The following TMBIM1 variants were observed in gnomAD, a reference collection of about 807,000 sequenced individuals.
TMBIM1 encodes the protein protein lifeguard 3.
TMBIM1 carries 34 observed loss-of-function variants against 45.1 expected under a neutral mutation model. That is an observed-to-expected ratio of 0.75 (90% CI 0.57 to 1.00). TMBIM1 has a LOEUF of 1.00. Among genes scored for constraint, TMBIM1 ranks in the 50% least tolerant of loss-of-function variants. TMBIM1 has a pLI of 0.00. For missense variants in TMBIM1, 374 were observed against 402.4 expected, an observed-to-expected ratio of 0.93 and a Z score of 0.60; for synonymous variants, 157 against 153.5, an observed-to-expected ratio of 1.02 and a Z score of -0.17.
intron 1 of TMBIM1, among the ~76,000 whole-genome samples, chr2:218,287,721 A>C (rs1002002227): frequency 1.3e-5 from 2 of 151,696 alleles, no homozygotes; most frequent in African/African-American, 4.8e-5. Context: ...AAAAAAAAAG[A>C]CAGCCAGCCC....
chr2:218,286,187 C>A (rs1297305646), intron 1 of TMBIM1, among the ~76,000 whole-genome samples: 1 of 152,070 alleles, frequency 6.6e-6, no homozygotes, highest in African/African-American at 2.4e-5. Context: ...TAGGCATTCA[C>A]CTTCTGCTTG....
At position 218,276,676 on chromosome 2, in the gene TMBIM1, C is replaced by T. The variant is rs530466215; in HGVS notation, c.735+328G>A. Among the ~76,000 whole-genome samples, 14 of 152,370 alleles carry T rather than the reference C, an allele frequency of 9.2e-5. No individual in the cohort carries two copies. The South Asian group carries it at 2.7e-3, about 29-fold the overall frequency. ...GGTCCCTTCCACCTAGGCCCATCAT[C>T]TCAGTCCTCTGGGTTCCTCTCCCAG... On this transcript the variant is annotated intron_variant, in intron 10 of 11. Transcript: ENST00000258412.
At chr2:218,283,515 C>T (rs1382928431) in intron 1 of TMBIM1, among the ~76,000 whole-genome samples, 1 of 152,158 alleles carries the variant, frequency 6.6e-6, no homozygotes, top group Non-Finnish European at 1.5e-5. Flanking sequence ...GCAGTCTGGG[C>T]TCGACAGGGC....
At chr2:218,278,296 A>C (rs1233270122) in intron 6 of TMBIM1, 1 of 614,420 alleles carries the variant, frequency 1.6e-6, no homozygotes, top group Admixed American at 3.0e-5. Context: ...CTAAAATGCT[A>C]CCTGTCTTGC....
rs1574636841 is a variant in TMBIM1, at chr2:218,279,608, A to G, written c.304-255T>C. ...TACTGACTTGCCCTGCCTGGCCACC[A>G]TACTCTACCAGTATGGCCTCTGCAC... On this transcript the variant is annotated intron_variant, in intron 3 of 11. Coordinates refer to ENST00000258412, the MANE Select transcript of TMBIM1 (RefSeq NM_022152.6). The G allele has an allele frequency of 1.2e-5, 6 of 502,000 alleles. No individual in the cohort carries two copies. In the East Asian group the frequency reaches 1.7e-4, roughly 14 times the overall value. The allele number at this position is 502,000 out of a possible 1,614,324, so 31.1% of individuals were successfully genotyped here.
At chr2:218,282,901 TG>T (rs1487357487) in intron 1 of TMBIM1, among the ~76,000 whole-genome samples, 1 of 152,124 alleles carries the variant, frequency 6.6e-6, no homozygotes, top group East Asian at 1.9e-4. Flanking sequence ...ATAACAGCGG[TG>T]GCGTGTCAGA....
At position 218,281,964 on chromosome 2, in the gene TMBIM1, T is replaced by A. The variant is rs1301187777; in HGVS notation, c.178A>T (p.Thr60Ser). Reference protein sequence around the residue: ...PAGYPQPMPPTHPMPMNYGPG... With the variant: ...PAGYPQPMPPSHPMPMNYGPG... ...CCGTAGTTCATGGGCATCGGGTGGGTGGGGGGCATGGGCTGTGGGTAGCCA... is the reference window on the plus strand; with the variant it reads ...CCGTAGTTCATGGGCATCGGGTGGGAGGGGGGCATGGGCTGTGGGTAGCCA... Residue 60 changes from threonine to serine, a missense_variant, in exon 2 of 12, where the codon ACC becomes TCC. By Grantham distance (58) the Thr-to-Ser change is moderately conservative. Transcript: ENST00000258412. The A allele has an allele frequency of 6.2e-7, 1 of 1,600,544 alleles. No individual in the cohort carries two copies. The highest frequency in any genetic ancestry group is 1.1e-5 in the South Asian group (1 of 88,144).
chr2:218,276,065 G>A lies in TMBIM1; in HGVS notation c.750C>T (p.His250=). 1 of 1,613,158 alleles carries A rather than the reference G, an allele frequency of 6.2e-7. No individual in the cohort carries two copies. Among genetic ancestry groups the A allele is most frequent in the Non-Finnish European group, 8.5e-7 (1 of 1,179,654 alleles). Residue 250 remains histidine, a synonymous_variant, in exon 11 of 12, where the codon CAC becomes CAT. Coordinates refer to ENST00000258412, the MANE Select transcript of TMBIM1 (RefSeq NM_022152.6). ...VLYFQYVYWL[H]MLYAALGAIC... Reference sequence around the variant, plus strand: ...TGGCCCCCAGAGCAGCATAGAGCATGTGGAGCCAGTAAACCTGGAGAAGAA... The same window carrying A: ...TGGCCCCCAGAGCAGCATAGAGCATATGGAGCCAGTAAACCTGGAGAAGAA...
chr2:218,280,230 G>T, intron 2 of TMBIM1, 104 bp from the exon 3 acceptor site: 1 of 848,386 alleles, frequency 1.2e-6, no homozygotes, highest in Non-Finnish European at 2.0e-6. Context: ...CCAGCCAAAA[G>T]ACAAGTGTTA....
At chr2:218,283,328 G>A (rs1398053561) in intron 1 of TMBIM1, among the ~76,000 whole-genome samples, 1 of 152,226 alleles carries the variant, frequency 6.6e-6, no homozygotes. Context: ...AACCAGGACG[G>A]AGGCCTTCCA....
intron 1 of TMBIM1, among the ~76,000 whole-genome samples, chr2:218,288,360 C>T (rs1377108883): frequency 2.6e-5 from 4 of 152,116 alleles, no homozygotes; most frequent in East Asian, 1.9e-4. Context: ...ACCCGGGAGG[C>T]GGAGCTTGCA....
chr2:218,292,239 C>G (rs1006908897), intron 1 of TMBIM1, among the ~76,000 whole-genome samples: 1 of 152,240 alleles, frequency 6.6e-6, no homozygotes, highest in Non-Finnish European at 1.5e-5. Context: ...CCAAGGCTAA[C>G]CAGGTGCCAC....
At position 218,281,984 on chromosome 2, in the gene TMBIM1, T is replaced by TAGCC. The variant is rs1397468676; in HGVS notation, c.154_157dup (p.Tyr53TrpfsTer23). 1.2e-6 allele frequency: 2 copies of TAGCC among 1,606,308 alleles called. No homozygotes were observed. Among genetic ancestry groups the TAGCC allele is most frequent in the Non-Finnish European group, 1.7e-6 (2 of 1,177,506 alleles). On this transcript the variant is annotated frameshift_variant, in exon 2 of 12. Coordinates refer to ENST00000258412, the MANE Select transcript of TMBIM1 (RefSeq NM_022152.6). LOFTEE classifies it high-confidence loss of function. Reference sequence around the variant, plus strand: ...GTGGGTGGGGGGCATGGGCTGTGGGTAGCCAGCAGGGTGACCGTAGCCAGG... The same window carrying TAGCC: ...GTGGGTGGGGGGCATGGGCTGTGGGTAGCCAGCCAGCAGGGTGACCGTAGCCAGG...
At chr2:218,278,365 C>T in intron 6 of TMBIM1, 150 bp downstream of exon 6, 1 of 798,414 alleles carries the variant, frequency 1.3e-6, no homozygotes, top group Non-Finnish European at 2.1e-6. Context: ...CCTTTGTATA[C>T]ACCTGAACAG....
intron 1 of TMBIM1, chr2:218,290,044 G>A (rs192397187): frequency 1.3e-5 from 2 of 152,158 alleles, no homozygotes; most frequent in Non-Finnish European, 2.9e-5. Flanking sequence ...CAGCCCACGT[G>A]GGGGAAAGGA....
chr2:218,275,408 T>C lies in TMBIM1; in HGVS notation c.*67A>G. The C allele has an allele frequency of 6.4e-7, 1 of 1,551,742 alleles. No individual in the cohort carries two copies. Among genetic ancestry groups the C allele is most frequent in the Admixed American group, 1.9e-5 (1 of 51,516 alleles). On this transcript the variant is annotated 3_prime_UTR_variant, in exon 12 of 12. Coordinates refer to ENST00000258412, the MANE Select transcript of TMBIM1 (RefSeq NM_022152.6). ...AAGGGGCCTAAAGCCCAGACCACAG[T>C]CATAGGGCCCAGCCCTCTAGCTTGG...
intron 8 of TMBIM1, 52 bp downstream of exon 8, chr2:218,277,581 C>G (rs1256936816): frequency 3.1e-6 from 5 of 1,613,086 alleles, no homozygotes; most frequent in Admixed American, 1.7e-5. Context: ...AGGAACACCC[C>G]ACTCCCCACA....
intron 1 of TMBIM1, among the ~76,000 whole-genome samples, chr2:218,290,894 ATGT>A: frequency 6.6e-6 from 1 of 152,204 alleles, no homozygotes; most frequent in East Asian, 1.9e-4. Flanking sequence ...ATGATCAGAC[ATGT>A]TGTTAGCAGA....
At chr2:218,288,919 T>G (rs1034981177) in intron 1 of TMBIM1, among the ~76,000 whole-genome samples, 1 of 152,206 alleles carries the variant, frequency 6.6e-6, no homozygotes, top group African/African-American at 2.4e-5. Flanking sequence ...CTGTGAGGTA[T>G]TCTTACCCTC....
Sources: allele counts gnomAD v4.1 joint callset (sites outside exome capture counted in the v4.1 genomes callset), GRCh38; gene constraint gnomAD v4.1.1; transcripts MANE v1.5; gene names NCBI Gene and HGNC (gene_info 2026-07-23, HGNC 2026-07-21).